Variants in TBC1D21 observed in about 807,000 individuals in gnomAD.
TBC1D21 encodes TBC1 domain family member 21, also known as male germ cell Rab GTPase-activating protein.
A neutral mutation model predicts 46.0 loss-of-function variants in TBC1D21; 38 were observed. That is an observed-to-expected ratio of 0.83 (90% CI 0.64 to 1.08). The LOEUF (loss-of-function observed/expected upper bound fraction) is 1.08, where lower values mean the gene tolerates loss of function less well. Among genes scored for constraint, TBC1D21 ranks in the 50% least tolerant of loss-of-function variants. The probability of loss-of-function intolerance (pLI) is 0.00; values close to 1 mark genes in which losing one functional copy is unlikely to be tolerated. For synonymous variants in TBC1D21, 151 were observed against 157.2 expected (o/e 0.96, Z 0.29); for missense variants, 415 against 417.9 (o/e 0.99, Z 0.06).
chr15:73,886,383 G>C (rs1004474462), intron 7 of TBC1D21, 129 bp from the exon 8 acceptor site: 4 of 944,656 alleles, frequency 4.2e-6, no homozygotes, highest in Middle Eastern at 2.7e-4. Context: ...AGGGCAGCTG[G>C]AAAAGGGGCG....
intron 3 of TBC1D21, among the ~76,000 whole-genome samples, 177 bp from the exon 4 acceptor site, chr15:73,883,974 T>C (rs2068198649): frequency 6.6e-6 from 1 of 152,118 alleles, no homozygotes; most frequent in South Asian, 2.1e-4. Flanking sequence ...CAGGTGCATG[T>C]TGGAGGACAG....
intron 1 of TBC1D21, among the ~76,000 whole-genome samples, chr15:73,880,914 T>C (rs772902079): frequency 1.3e-5 from 2 of 152,248 alleles, no homozygotes; most frequent in Non-Finnish European, 2.9e-5. Context: ...CAATGCATTA[T>C]ATATTAGAGT....
At chr15:73,898,877 AAAAAT>A in the TBC1D21 span, among the ~76,000 whole-genome samples, 17 of 115,416 alleles carry the variant, frequency 1.5e-4, no homozygotes, top group Middle Eastern at 3.9e-3. Flanking sequence ...AAAAAAAAAA[AAAAAT>A]ATATATATAT....
At chr15:73,890,397 G>A (rs976351911), downstream of TBC1D21, among the ~76,000 whole-genome samples, 1 of 152,208 alleles carries the variant, frequency 6.6e-6, no homozygotes, top group Non-Finnish European at 1.5e-5. Context: ...CATGGCTAAA[G>A]AGCTCATGTT....
chr15:73,877,708 A>G (rs2068092048), intron 1 of TBC1D21, among the ~76,000 whole-genome samples: 1 of 152,224 alleles, frequency 6.6e-6, no homozygotes, highest in African/African-American at 2.4e-5. Context: ...TATAAAAAGC[A>G]TAGTATATCA....
At chr15:73,904,770 G>C in the TBC1D21 span, among the ~76,000 whole-genome samples, 3 of 152,178 alleles carry the variant, frequency 2.0e-5, no homozygotes, top group Non-Finnish European at 4.4e-5. Context: ...GTAGAAAAGA[G>C]AGAGACTCCA....
intron 1 of TBC1D21, among the ~76,000 whole-genome samples, chr15:73,879,032 T>A (rs2068109404): frequency 6.6e-6 from 1 of 152,182 alleles, no homozygotes; most frequent in Admixed American, 6.5e-5. Flanking sequence ...ACACCGAGAT[T>A]TGTAACTTCT....
chr15:73,881,647 C>G lies in TBC1D21; in HGVS notation c.172C>G (p.Leu58Val). Residue 58 changes from leucine to valine, a missense_variant, in exon 3 of 11, where the codon CTG (leucine) becomes GTG (valine). Physicochemically the swap from Leu to Val is conservative, Grantham distance 32 (BLOSUM62 1). Transcript: ENST00000300504. ...FICVNILERG[L>V]HPFVRTEAWK... The stretch of plus-strand genomic sequence containing the variant: ...CCACCTCCCACCCCCACCCCAGGGT[C>G]TGCACCCCTTCGTGAGGACTGAAGC... 4 of 1,613,628 alleles carry G rather than the reference C, an allele frequency of 2.5e-6. No individual in the cohort carries two copies. Among genetic ancestry groups the G allele is most frequent in the Non-Finnish European group, 3.4e-6 (4 of 1,179,720 alleles).
intron 6 of TBC1D21, among the ~76,000 whole-genome samples, 197 bp downstream of exon 6, chr15:73,885,300 G>T (rs368077442): frequency 2.6e-5 from 4 of 152,168 alleles, no homozygotes; most frequent in African/African-American, 9.7e-5. Flanking sequence ...AGTGGAGAAG[G>T]GGGATGGAGC....
At chr15:73,900,102 C>G in the TBC1D21 span, among the ~76,000 whole-genome samples, 1 of 152,190 alleles carries the variant, frequency 6.6e-6, no homozygotes, top group Non-Finnish European at 1.5e-5. Flanking sequence ...CTTCTCCCTC[C>G]TATACATCCA....
intron 1 of TBC1D21, among the ~76,000 whole-genome samples, chr15:73,878,565 T>C (rs187525229): frequency 1.7e-4 from 26 of 152,320 alleles, no homozygotes; most frequent in Middle Eastern, 3.4e-3. Flanking sequence ...CTTGACAAAA[T>C]ATATGAATGA....
At chr15:73,882,369 C>T (rs1445982410) in intron 3 of TBC1D21, among the ~76,000 whole-genome samples, 1 of 152,204 alleles carries the variant, frequency 6.6e-6, no homozygotes, top group Non-Finnish European at 1.5e-5. Flanking sequence ...TCACTGACTC[C>T]TCATCTGCCC....
At chr15:73,890,090 TAC>T (rs991701264), downstream of TBC1D21, among the ~76,000 whole-genome samples, 3 of 152,198 alleles carry the variant, frequency 2.0e-5, no homozygotes, top group African/African-American at 7.2e-5. Flanking sequence ...GGGCTGACAT[TAC>T]ACATGGGCAG....
At chr15:73,904,578 C>G in the TBC1D21 span, among the ~76,000 whole-genome samples, 3 of 152,138 alleles carry the variant, frequency 2.0e-5, no homozygotes, top group Non-Finnish European at 2.9e-5. Context: ...TCTATGGGTT[C>G]ATAGTACAGG....
chr15:73,887,488 T>C (rs990977376), intron 8 of TBC1D21, 132 bp from the exon 9 acceptor site: 4 of 718,296 alleles, frequency 5.6e-6, no homozygotes, highest in Middle Eastern at 2.3e-4. Flanking sequence ...GAAGGAATGA[T>C]TGAATGAGCA....
the TBC1D21 span, among the ~76,000 whole-genome samples, chr15:73,898,880 A>AAAAAAAAATATATATATATATATAT: frequency 3.0e-4 from 17 of 56,758 alleles, no homozygotes; most frequent in Non-Finnish European, 4.9e-4. Flanking sequence ...AAAAAAAAAA[A>AAAAAAAAATATATATATATATATAT]ATATATATAT....
rs375424500 is a variant in TBC1D21, at chr15:73,884,189, T to C, written c.311T>C (p.Ile104Thr). 10 of 1,614,136 alleles carry C rather than the reference T, an allele frequency of 6.2e-6. No homozygotes were observed. In the African/African-American group the frequency reaches 1.2e-4, roughly 19 times the overall value. ...YKALCQMYEK[I>T]QPLLENLHRN... The stretch of plus-strand genomic sequence containing the variant: ...GCCTTATGCCAAATGTATGAGAAGA[T>C]TCAGCCCCTTCTGGAAAACCTGCAC... Residue 104 changes from isoleucine to threonine, a missense_variant, in exon 4 of 11, where the codon ATT becomes ACT. Transcript: ENST00000300504.
In TBC1D21 at chr15:73,879,388, G is replaced by GT. The variant is rs566138315; in HGVS notation, c.61-2002dup. 2.1e-3 allele frequency among the ~76,000 whole-genome samples: 323 copies of GT among 150,720 alleles called. 3 individuals carry two copies. The highest frequency in any genetic ancestry group is 8.8e-3 in the East Asian group (45 of 5,136). On this transcript the variant is annotated intron_variant, in intron 1 of 10. Coordinates refer to ENST00000300504, the MANE Select transcript of TBC1D21 (RefSeq NM_153356.3). ...CACACCCAGCTAATTTTTGTTTTTT[G>GT]TTTTTTTTTAGTAGATATGGGGTTT...
intron 1 of TBC1D21, among the ~76,000 whole-genome samples, chr15:73,875,768 T>C (rs1465341846): frequency 6.6e-6 from 1 of 152,124 alleles, no homozygotes; most frequent in African/African-American, 2.4e-5. Flanking sequence ...AGCTGGAGGG[T>C]ATCCAGCCCC....
Sources: gnomAD v4.1 joint callset for allele counts (sites outside exome capture counted in the v4.1 genomes callset) on GRCh38, gnomAD v4.1.1 for gene constraint, MANE v1.5 for transcripts, NCBI Gene and HGNC (gene_info 2026-07-23, HGNC 2026-07-21) for gene names.